Variants in GRIN3A observed in about 807,000 individuals in gnomAD.
GRIN3A encodes the protein glutamate receptor ionotropic, NMDA 3A.
In GRIN3A, 47 loss-of-function variants were observed where a neutral mutation model predicts 92.4. That is an observed-to-expected ratio of 0.51 (90% CI 0.40 to 0.65). The LOEUF is 0.65. Among genes scored for constraint, GRIN3A ranks in the 30% least tolerant of loss-of-function variants. The pLI is 0.00. For synonymous variants in GRIN3A, 527 were observed against 540.6 expected (o/e 0.97, Z 0.35); for missense variants, 1,324 against 1,393.1 (o/e 0.95, Z 0.79).
intron 1 of GRIN3A, among the ~76,000 whole-genome samples, chr9:101,711,344 A>G (rs951430286): frequency 6.6e-6 from 1 of 152,212 alleles, no homozygotes; most frequent in African/African-American, 2.4e-5. Context: ...ACACATCCCG[A>G]TAGGTCAGGG....
chr9:101,671,451 C>T (rs1244101478), intron 2 of GRIN3A, among the ~76,000 whole-genome samples: 2 of 152,150 alleles, frequency 1.3e-5, no homozygotes, highest in Non-Finnish European at 2.9e-5. Context: ...ACTTTTCAAG[C>T]TATGGAGGTT....
intron 2 of GRIN3A, among the ~76,000 whole-genome samples, chr9:101,680,308 G>A (rs1829452044): frequency 6.6e-6 from 1 of 151,890 alleles, no homozygotes; most frequent in Non-Finnish European, 1.5e-5. Flanking sequence ...TTATATGTTG[G>A]GTTTTTTGAA....
chr9:101,664,312 A>T (rs1333950304), intron 3 of GRIN3A, among the ~76,000 whole-genome samples: 2 of 151,952 alleles, frequency 1.3e-5, no homozygotes, highest in Non-Finnish European at 2.9e-5. Flanking sequence ...GCTATTTTAC[A>T]TTGAGGAAAT....
At chr9:101,632,139 T>C (rs952521985) in intron 3 of GRIN3A, among the ~76,000 whole-genome samples, 8 of 152,218 alleles carry the variant, frequency 5.3e-5, no homozygotes, top group Non-Finnish European at 1.5e-5. Flanking sequence ...GTCAGAGCTC[T>C]TGCATATAGT....
Position 101,573,216 on chromosome 9 carries a change from C to T in GRIN3A, c.3306G>A (p.Glu1102=), listed in dbSNP as rs1302540167. Reference sequence around the variant, plus strand: ...GACTTGTCCTTTGATACTCCTCCAGCTCCGTTTTCCTGCTCACAGCCAGCT... The same window carrying T: ...GACTTGTCCTTTGATACTCCTCCAGTTCCGTTTTCCTGCTCACAGCCAGCT... ...ELQLAVSRKT[E]LEEYQRTSRT... Residue 1102 remains glutamate, a synonymous_variant, in exon 9 of 9, where the codon GAG becomes GAA. Coordinates refer to ENST00000361820, the MANE Select transcript of GRIN3A (RefSeq NM_133445.3). 6.2e-7 allele frequency: 1 copy of T among 1,614,130 alleles called. No homozygotes were observed. Among genetic ancestry groups the T allele is most frequent in the Non-Finnish European group, 8.5e-7 (1 of 1,179,978 alleles).
chr9:101,661,021 A>G (rs1011574099), intron 3 of GRIN3A, among the ~76,000 whole-genome samples: 8 of 151,904 alleles, frequency 5.3e-5, no homozygotes, highest in Non-Finnish European at 1.2e-4. Flanking sequence ...CATGACAATT[A>G]CAGATTGTGT....
At chr9:101,597,879 T>C (rs1828159780) in intron 6 of GRIN3A, among the ~76,000 whole-genome samples, 1 of 152,214 alleles carries the variant, frequency 6.6e-6, no homozygotes, top group South Asian at 2.1e-4. Context: ...ACATATTTTC[T>C]TGCTTGGATT....
intron 3 of GRIN3A, among the ~76,000 whole-genome samples, chr9:101,667,100 A>C (rs1381574125): frequency 6.6e-6 from 1 of 150,566 alleles, no homozygotes; most frequent in African/African-American, 2.4e-5. Context: ...ATCTCCTTCC[A>C]CTCCTGTAAC....
chr9:101,620,254 G>C (rs1478758657), intron 5 of GRIN3A, among the ~76,000 whole-genome samples: 5 of 152,176 alleles, frequency 3.3e-5, no homozygotes, highest in African/African-American at 1.2e-4. Context: ...CTGCTTTCTG[G>C]TTCATAGATG....
intron 6 of GRIN3A, among the ~76,000 whole-genome samples, chr9:101,613,008 T>C (rs1045701403): frequency 6.6e-6 from 1 of 152,262 alleles, no homozygotes; most frequent in Non-Finnish European, 1.5e-5. Context: ...CAGGATATTT[T>C]GAAGTACACA....
chr9:101,720,698 C>A (rs773151599), intron 1 of GRIN3A, among the ~76,000 whole-genome samples: 5 of 152,126 alleles, frequency 3.3e-5, no homozygotes, highest in Non-Finnish European at 7.4e-5. Context: ...ATATATCCGT[C>A]TTTCCATATA....
chr9:101,659,100 A>G (rs1829134335), intron 3 of GRIN3A, among the ~76,000 whole-genome samples: 1 of 151,912 alleles, frequency 6.6e-6, no homozygotes. Context: ...AACTTCATAC[A>G]CAGATAAATA....
intron 3 of GRIN3A, among the ~76,000 whole-genome samples, chr9:101,648,932 T>C (rs1828975269): frequency 6.6e-6 from 1 of 152,000 alleles, no homozygotes; most frequent in Non-Finnish European, 1.5e-5. Context: ...GAAGAACTTA[T>C]AGTGAGCACT....
chr9:101,713,084 T>G (rs900640439), intron 1 of GRIN3A, among the ~76,000 whole-genome samples: 5 of 152,180 alleles, frequency 3.3e-5, no homozygotes, highest in Admixed American at 3.3e-4. Context: ...CTTCCATCCC[T>G]TTCCTTCGGC....
rs1239450226 is a variant in GRIN3A, at chr9:101,662,832, A to T, written c.2352+7228T>A. On this transcript the variant is annotated intron_variant, in intron 3 of 8. Coordinates refer to ENST00000361820, the MANE Select transcript of GRIN3A (RefSeq NM_133445.3). ...TCTTTTAACCCAATTTTTATAGAGG[A>T]CATTTCCATGATCTATCATGAACTT... 2.6e-5 allele frequency among the ~76,000 whole-genome samples: 4 copies of T among 151,832 alleles called. No homozygotes were observed. The South Asian group carries it at 8.3e-4, about 31-fold the overall frequency.
At chr9:101,666,881 A>G (rs1423830029) in intron 3 of GRIN3A, among the ~76,000 whole-genome samples, 1 of 152,054 alleles carries the variant, frequency 6.6e-6, no homozygotes, top group African/African-American at 2.4e-5. Context: ...CAGTGACCAA[A>G]GCTATAATTT....
At chr9:101,610,156 G>A (rs1828341310) in intron 6 of GRIN3A, among the ~76,000 whole-genome samples, 1 of 152,146 alleles carries the variant, frequency 6.6e-6, no homozygotes, top group Admixed American at 6.5e-5. Flanking sequence ...GACTGGTATA[G>A]GCCCAAGTTC....
intron 6 of GRIN3A, among the ~76,000 whole-genome samples, chr9:101,608,288 C>T (rs1828312517): frequency 6.6e-6 from 1 of 152,146 alleles, no homozygotes; most frequent in African/African-American, 2.4e-5. Context: ...TTTAGCTGAC[C>T]TGGAATGTGG....
chr9:101,696,726 T>C (rs1829689516), intron 1 of GRIN3A, among the ~76,000 whole-genome samples: 1 of 152,216 alleles, frequency 6.6e-6, no homozygotes, highest in African/African-American at 2.4e-5. Flanking sequence ...TTAAATTCCC[T>C]ATAGAAATTT....
Sources: gnomAD v4.1 joint callset for allele counts (sites outside exome capture counted in the v4.1 genomes callset) on GRCh38, gnomAD v4.1.1 for gene constraint, MANE v1.5 for transcripts, NCBI Gene and HGNC (gene_info 2026-07-23, HGNC 2026-07-21) for gene names.